CNNM4: variants seen among roughly 807,000 people sequenced by gnomAD.
CNNM4 encodes metal transporter CNNM4.
Under a neutral mutation model 53.7 loss-of-function variants are expected in CNNM4, and 32 were observed. That is an observed-to-expected ratio of 0.60 (90% confidence interval 0.45 to 0.80). The LOEUF is 0.80. CNNM4 is among the 30% of genes least tolerant of loss of function. The pLI is 0.00. For synonymous variants in CNNM4, 410 were observed against 440.0 expected, an observed-to-expected ratio of 0.93 and a Z score of 0.85; for missense variants, 784 against 1,022.0, an observed-to-expected ratio of 0.77 and a Z score of 3.17.
chr2:96,798,112 G>A (rs973973657), intron 3 of CNNM4, among the ~76,000 whole-genome samples: 3 of 151,960 alleles, frequency 2.0e-5, no homozygotes, highest in Non-Finnish European at 4.4e-5. Flanking sequence ...GCATGTCTGT[G>A]GTCCCAGCTA....
At position 96,797,390 on chromosome 2, in the gene CNNM4, G is replaced by T; in HGVS notation, c.1547-123G>T. ...TCGGCGTCAGCCCAGGACCCTGCCA[G>T]CCAGAGCCTGCTGCTCCTGCGTGGG... On this transcript the variant is annotated intron_variant, in intron 2 of 6. Transcript: ENST00000377075. The surrounding 1 kb of genome is among the most constrained non-coding windows in gnomAD (Gnocchi z 6.0). 6.7e-7 allele frequency: 1 copy of T among 1,488,262 alleles called. No homozygotes were observed. The highest frequency in any genetic ancestry group is 9.3e-7 in the Non-Finnish European group (1 of 1,079,278). The allele number at this position is 1,488,262 out of a possible 1,614,324, so 92.2% of individuals were successfully genotyped here.
chr2:96,803,833 G>C (rs1454756708), intron 5 of CNNM4, among the ~76,000 whole-genome samples: 1 of 152,078 alleles, frequency 6.6e-6, no homozygotes, highest in Non-Finnish European at 1.5e-5. Context: ...AAATTAAAAA[G>C]TATCATAATT....
chr2:96,791,619 TTAAAA>T (rs1351068521), intron 1 of CNNM4, among the ~76,000 whole-genome samples: 1 of 150,352 alleles, frequency 6.7e-6, no homozygotes, highest in East Asian at 1.9e-4. Flanking sequence ...AACATGGAAA[TTAAAA>T]CAATACATCT....
At chr2:96,793,691 C>T (rs1020616320) in intron 1 of CNNM4, among the ~76,000 whole-genome samples, 3 of 152,204 alleles carry the variant, frequency 2.0e-5, no homozygotes, top group South Asian at 2.1e-4. Context: ...AGGCCGGGCG[C>T]GGTGGCTGAC....
At chr2:96,806,305 A>G (rs1357745313) in intron 5 of CNNM4, among the ~76,000 whole-genome samples, 1 of 152,118 alleles carries the variant, frequency 6.6e-6, no homozygotes, top group Non-Finnish European at 1.5e-5. Context: ...ACCACTTTTG[A>G]TAACGTCAGT....
Position 96,801,409 on chromosome 2 carries a change from G to A in CNNM4, c.1948+1761G>A, listed in dbSNP as rs1280615204. ...AGAGATACACATACAGATACACATA[G>A]CCATAGATACACGCAGAGACACACA... On this transcript the variant is annotated intron_variant, in intron 5 of 6. Coordinates refer to ENST00000377075, the MANE Select transcript of CNNM4 (RefSeq NM_020184.4). The surrounding 1 kb of genome is among the most constrained non-coding windows in gnomAD (Gnocchi z 5.6). 2.0e-5 allele frequency among the ~76,000 whole-genome samples: 3 copies of A among 151,878 alleles called. No homozygotes were observed. Among genetic ancestry groups the A allele is most frequent in the African/African-American group, 7.3e-5 (3 of 41,298 alleles).
At chr2:96,775,775 GAGTATAGT>G (rs993394267) in intron 1 of CNNM4, among the ~76,000 whole-genome samples, 2 of 152,108 alleles carry the variant, frequency 1.3e-5, no homozygotes, top group Admixed American at 1.3e-4. Flanking sequence ...ATCCAGGCTG[GAGTATAGT>G]AGCATGATCA....
intron 5 of CNNM4, among the ~76,000 whole-genome samples, chr2:96,802,996 G>A (rs749762436): frequency 4.6e-5 from 7 of 152,164 alleles, no homozygotes; most frequent in Non-Finnish European, 8.8e-5. Flanking sequence ...CTAAAAACCC[G>A]TCACCTCAGC....
At chr2:96,768,141 G>A (rs1388451312) in intron 1 of CNNM4, among the ~76,000 whole-genome samples, 1 of 152,132 alleles carries the variant, frequency 6.6e-6, no homozygotes, top group African/African-American at 2.4e-5. Context: ...TTTTCCCACT[G>A]ACTTAATTTT....
At chr2:96,792,211 A>T (rs559466246) in intron 1 of CNNM4, among the ~76,000 whole-genome samples, 51 of 147,764 alleles carry the variant, frequency 3.5e-4, no homozygotes, top group Admixed American at 2.1e-3. Context: ...ACGCCACTGC[A>T]CTCCAGCCTG....
chr2:96,781,637 C>T (rs2078976374), intron 1 of CNNM4, among the ~76,000 whole-genome samples: 1 of 152,182 alleles, frequency 6.6e-6, no homozygotes, highest in South Asian at 2.1e-4. Flanking sequence ...TATTCACCAA[C>T]CAGGAAGCTC....
chr2:96,762,298 T>A lies in CNNM4; in HGVS notation c.1299T>A (p.Asp433Glu). 6.2e-7 allele frequency: 1 copy of A among 1,614,170 alleles called. No individual in the cohort carries two copies. Among genetic ancestry groups the A allele is most frequent in the Non-Finnish European group, 8.5e-7 (1 of 1,180,028 alleles). The change falls in exon 1 of 7, where the codon GAT becomes GAA. Residue 433 changes from aspartate (D) to glutamate (E), a missense_variant. Coordinates refer to ENST00000377075, the MANE Select transcript of CNNM4 (RefSeq NM_020184.4). ...YVKDLAFVDPDDCTPLKTITR... is the reference protein window; with the variant it reads ...YVKDLAFVDPEDCTPLKTITR... ...AAGACTTGGCCTTTGTGGACCCCGA[T>A]GACTGCACCCCCCTCAAGACTATCA... is the stretch of plus-strand genomic sequence containing the variant.
intron 1 of CNNM4, among the ~76,000 whole-genome samples, chr2:96,775,315 A>T (rs2078914973): frequency 6.6e-6 from 1 of 152,100 alleles, no homozygotes; most frequent in African/African-American, 2.4e-5. Flanking sequence ...GAATCATATC[A>T]TATATACACA....
At position 96,809,588 on chromosome 2, in the gene CNNM4, C is replaced by G. The variant is rs2153351847; in HGVS notation, c.*71C>G. 7.3e-7 allele frequency: 1 copy of G among 1,363,832 alleles called. No homozygotes were observed. Among genetic ancestry groups the G allele is most frequent in the East Asian group, 2.3e-5 (1 of 42,930 alleles). The allele number at this position is 1,363,832 out of a possible 1,614,324, so 84.5% of individuals were successfully genotyped here. A position where few individuals can be genotyped will look rare whatever the true frequency, so the allele number is the denominator to read the frequency against. Reference sequence around the variant, plus strand: ...GTGGGCCCACATGAAGAGAGGGAACCTGTTAGTCCAGAAAGGATACGGATA... The same window carrying G: ...GTGGGCCCACATGAAGAGAGGGAACGTGTTAGTCCAGAAAGGATACGGATA... On this transcript the variant is annotated 3_prime_UTR_variant, in exon 7 of 7. Coordinates refer to ENST00000377075, the MANE Select transcript of CNNM4 (RefSeq NM_020184.4).
chr2:96,763,156 A>G (rs1402252763), intron 1 of CNNM4, among the ~76,000 whole-genome samples: 3 of 152,174 alleles, frequency 2.0e-5, no homozygotes, highest in African/African-American at 7.2e-5. Context: ...AGTTTTGGTA[A>G]TTGTGGCGCC....
chr2:96,765,031 T>TTTTTTG (rs2078802613), intron 1 of CNNM4, among the ~76,000 whole-genome samples: 1 of 88,482 alleles, frequency 1.1e-5, no homozygotes, highest in African/African-American at 8.3e-5. Flanking sequence ...ATGGTTTTTT[T>TTTTTTG]TTTTTTTTTT....
intron 1 of CNNM4, among the ~76,000 whole-genome samples, chr2:96,767,273 C>T (rs145180336): frequency 6.6e-6 from 1 of 152,296 alleles, no homozygotes; most frequent in Non-Finnish European, 1.5e-5. Flanking sequence ...TGCAGGACCA[C>T]AGGAGTAAGA....
chr2:96,789,131 G>C (rs2079039107), intron 1 of CNNM4, among the ~76,000 whole-genome samples: 1 of 152,154 alleles, frequency 6.6e-6, no homozygotes, highest in Non-Finnish European at 1.5e-5. Context: ...AGCATGGCGA[G>C]GAGCGAGGGC....
rs533736511 is a variant in CNNM4, at chr2:96,804,782, C to T, written c.1949-3779C>T. ...AACTCCTGATGTTAGGTGATCCGCC[C>T]GCCTCAGCCTCCCAAAGTGCTGGGA... On this transcript the variant is annotated intron_variant, in intron 5 of 6. Coordinates refer to ENST00000377075, the MANE Select transcript of CNNM4 (RefSeq NM_020184.4). 6.0e-4 allele frequency among the ~76,000 whole-genome samples: 91 copies of T among 152,096 alleles called. 1 individual carries two copies. The highest frequency in any genetic ancestry group is 1.9e-3 in the African/African-American group (80 of 41,530).
Sources: gnomAD v4.1 joint callset for allele counts (sites outside exome capture counted in the v4.1 genomes callset) on GRCh38, gnomAD v4.1.1 for gene constraint, Gnocchi (gnomAD v3.1) non-coding constraint, MANE v1.5 for transcripts, NCBI Gene and HGNC (gene_info 2026-07-23, HGNC 2026-07-21) for gene names.